Variants in SGPP2 observed in about 807,000 individuals in gnomAD.
SGPP2 encodes sphingosine-1-phosphate phosphatase 2, also known as sphingosine 1-phosphate phosphohydrolase 2.
In SGPP2, 30 loss-of-function variants were observed where a neutral mutation model predicts 33.9. The observed-to-expected ratio is 0.89, with a 90% CI of 0.66 to 1.20. The LOEUF (loss-of-function observed/expected upper bound fraction) is 1.20. Ranked by LOEUF, SGPP2 falls within the 50% of genes most tolerant of loss-of-function variation. SGPP2 has a pLI of 0.00. For synonymous variants in SGPP2, 233 were observed against 225.0 expected (o/e 1.04, Z -0.32); for missense variants, 458 against 532.1 (o/e 0.86, Z 1.37).
chr2:222,513,872 A>C (rs1024212983), intron 2 of SGPP2, among the ~76,000 whole-genome samples: 9 of 152,144 alleles, frequency 5.9e-5, no homozygotes, highest in Admixed American at 2.6e-4. Context: ...TTGATTTCAG[A>C]CTTGTGGCTT....
chr2:222,456,537 C>G (rs749632849), intron 1 of SGPP2, among the ~76,000 whole-genome samples: 1 of 152,212 alleles, frequency 6.6e-6, no homozygotes, highest in South Asian at 2.1e-4. Context: ...CCTACCTCCC[C>G]GGTGTCTAAA....
At chr2:222,496,676 C>A (rs984646250) in intron 2 of SGPP2, among the ~76,000 whole-genome samples, 1 of 151,670 alleles carries the variant, frequency 6.6e-6, no homozygotes, top group Non-Finnish European at 1.5e-5. Flanking sequence ...TCTGGTGAGA[C>A]CCCCCCGCCA....
chr2:222,431,148 G>T (rs1410642319), intron 1 of SGPP2, among the ~76,000 whole-genome samples: 5 of 151,200 alleles, frequency 3.3e-5, no homozygotes, highest in African/African-American at 1.2e-4. Flanking sequence ...TGGGAATTGT[G>T]TATTATCTTT....
chr2:222,476,484 G>T lies in SGPP2; in HGVS notation c.378+1758G>T, dbSNP rs78701408. Among the ~76,000 whole-genome samples the T allele has an allele frequency of 3.5e-3, 531 of 152,192 alleles. 9 individuals carry two copies. The highest frequency in any genetic ancestry group is 0.023 in the East Asian group (118 of 5,172). ...AATCTGAGAGTCTGCAAAAGCATAG[G>T]CATCTTGCAAATCATAAAGAGAACG... On this transcript the variant is annotated intron_variant, in intron 2 of 4. Transcript: ENST00000321276. The surrounding 1 kb of genome is among the most constrained non-coding windows in gnomAD (Gnocchi z 4.3).
intron 4 of SGPP2, among the ~76,000 whole-genome samples, chr2:222,543,717 A>G (rs912020009): frequency 6.6e-6 from 1 of 152,196 alleles, no homozygotes; most frequent in Admixed American, 6.5e-5. Flanking sequence ...CTATTTGTCT[A>G]TCCTCATGCC....
chr2:222,441,504 T>C (rs987530879), intron 1 of SGPP2, among the ~76,000 whole-genome samples: 1 of 152,222 alleles, frequency 6.6e-6, no homozygotes, highest in African/African-American at 2.4e-5. Context: ...GTTTATAATA[T>C]GAAGTTTAAA....
intron 1 of SGPP2, chr2:222,452,395 C>T: frequency 1.3e-6 from 1 of 746,010 alleles, no homozygotes. Flanking sequence ...CAATTTCACT[C>T]TCCTTCACAG....
intron 1 of SGPP2, among the ~76,000 whole-genome samples, chr2:222,437,412 G>C (rs551014432): frequency 7.2e-5 from 11 of 152,338 alleles, no homozygotes; most frequent in African/African-American, 2.4e-4. Flanking sequence ...TGCTGCAGCT[G>C]TCCACTTTCG....
At chr2:222,554,784 C>A (rs889597643) in intron 4 of SGPP2, among the ~76,000 whole-genome samples, 5 of 152,140 alleles carry the variant, frequency 3.3e-5, no homozygotes, top group Non-Finnish European at 5.9e-5. Flanking sequence ...CAGACAGCAG[C>A]GGGCATTCAG....
At chr2:222,432,478 G>T (rs1697171061) in intron 1 of SGPP2, among the ~76,000 whole-genome samples, 1 of 152,208 alleles carries the variant, frequency 6.6e-6, no homozygotes, top group South Asian at 2.1e-4. Flanking sequence ...CCTTCTATAG[G>T]CTGGTCAGCA....
chr2:222,466,253 C>CTTTT (rs34005867), intron 1 of SGPP2, among the ~76,000 whole-genome samples: 38 of 104,690 alleles, frequency 3.6e-4, no homozygotes, highest in Admixed American at 5.4e-4. Flanking sequence ...CTGTTTTCAA[C>CTTTT]TTTTTTTTTT....
intron 1 of SGPP2, among the ~76,000 whole-genome samples, chr2:222,464,406 T>C (rs6723696): frequency 0.58 from 87,936 of 152,110 alleles, 26,488 homozygotes; most frequent in African/African-American, 0.76. Flanking sequence ...GATAAAGGCT[T>C]GCTTCTAACC....
intron 1 of SGPP2, among the ~76,000 whole-genome samples, chr2:222,451,431 G>T (rs1697486708): frequency 6.6e-6 from 1 of 152,190 alleles, no homozygotes; most frequent in South Asian, 2.1e-4. Flanking sequence ...TTGCCTCTTT[G>T]TCTGGTCTCA....
chr2:222,430,193 A>C (rs1273016930), intron 1 of SGPP2, among the ~76,000 whole-genome samples: 11 of 152,218 alleles, frequency 7.2e-5, no homozygotes, highest in Non-Finnish European at 1.5e-4. Context: ...GTTGGGGCTT[A>C]AAGAGTGGGT....
intron 2 of SGPP2, among the ~76,000 whole-genome samples, chr2:222,495,031 CAAACAA>C (rs145461047): frequency 0.029 from 4,328 of 151,712 alleles, 104 homozygotes; most frequent in African/African-American, 0.063. Context: ...GACTCTGTCT[CAAACAA>C]AAACAAAAAC....
intron 3 of SGPP2, among the ~76,000 whole-genome samples, chr2:222,522,919 G>A (rs1030204982): frequency 2.0e-5 from 3 of 152,224 alleles, no homozygotes; most frequent in Admixed American, 6.5e-5. Context: ...CTGGCCTCAA[G>A]CAATCTGCCT....
At chr2:222,555,436 CT>C (rs1281162385) in intron 4 of SGPP2, among the ~76,000 whole-genome samples, 1 of 69,698 alleles carries the variant, frequency 1.4e-5, no homozygotes, top group Non-Finnish European at 3.1e-5. Context: ...CTGCTCATTT[CT>C]TTTATCCGTT....
intron 2 of SGPP2, among the ~76,000 whole-genome samples, chr2:222,475,711 A>G (rs1229751833): frequency 6.6e-6 from 1 of 152,188 alleles, no homozygotes; most frequent in Non-Finnish European, 1.5e-5. Context: ...AATTTTGTTC[A>G]GGGCCAAATG....
chr2:222,448,089 G>T (rs1455653230), intron 1 of SGPP2, among the ~76,000 whole-genome samples: 1 of 152,156 alleles, frequency 6.6e-6, no homozygotes, highest in Non-Finnish European at 1.5e-5. Context: ...ATCTAGGTTG[G>T]ACTCCGAAGC....
Sources: gnomAD v4.1 joint callset for allele counts (sites outside exome capture counted in the v4.1 genomes callset) on GRCh38, gnomAD v4.1.1 for gene constraint, Gnocchi (gnomAD v3.1) non-coding constraint, MANE v1.5 for transcripts, NCBI Gene and HGNC (gene_info 2026-07-23, HGNC 2026-07-21) for gene names.